ADCY8: variants seen among roughly 807,000 people sequenced by gnomAD.
ADCY8 encodes adenylate cyclase 8.
In ADCY8, 51 loss-of-function variants were observed where a neutral mutation model predicts 119.7. The observed-to-expected ratio is 0.43, with a 90% CI of 0.34 to 0.54. ADCY8 has a LOEUF of 0.54. Among genes scored for constraint, ADCY8 ranks in the 20% least tolerant of loss-of-function variants. The pLI, the probability that ADCY8 is intolerant of heterozygous loss-of-function variation, is 0.03. For synonymous variants in ADCY8, 665 were observed against 651.0 expected (o/e 1.02, Z -0.33); for missense variants, 1,383 against 1,598.8 (o/e 0.87, Z 2.30).
intron 1 of ADCY8, among the ~76,000 whole-genome samples, chr8:131,029,859 TG>T (rs1377084310): frequency 4.0e-5 from 3 of 74,150 alleles, no homozygotes; most frequent in East Asian, 7.2e-4. Flanking sequence ...TGTGTGTGGG[TG>T]GGGGTGGAGT....
chr8:130,785,918 C>T (rs1384142370), intron 15 of ADCY8, among the ~76,000 whole-genome samples: 1 of 152,196 alleles, frequency 6.6e-6, no homozygotes, highest in African/African-American at 2.4e-5. Flanking sequence ...AGAACAAGCT[C>T]AGCCTGCTTT....
intron 9 of ADCY8, among the ~76,000 whole-genome samples, chr8:130,853,296 C>A (rs1817599627): frequency 1.3e-5 from 2 of 152,228 alleles, no homozygotes; most frequent in South Asian, 4.1e-4. Context: ...AGGAAGAAAG[C>A]CCAGGTTGGC....
At chr8:130,849,521 T>C in intron 10 of ADCY8, 81 bp downstream of exon 10, 1 of 1,421,812 alleles carries the variant, frequency 7.0e-7, no homozygotes, top group South Asian at 1.2e-5. Flanking sequence ...GGAAGGGTAA[T>C]GCAGGAAGCT....
At chr8:131,038,247 C>T (rs538267664) in intron 1 of ADCY8, among the ~76,000 whole-genome samples, 1 of 152,220 alleles carries the variant, frequency 6.6e-6, no homozygotes, top group South Asian at 2.1e-4. Context: ...TCAAATTCGA[C>T]CATAAGGAAG....
chr8:131,023,994 T>C (rs1035638425), intron 1 of ADCY8, among the ~76,000 whole-genome samples: 10 of 152,228 alleles, frequency 6.6e-5, no homozygotes, highest in Admixed American at 3.3e-4. Flanking sequence ...AAGAGTGTTC[T>C]AGATACAGGG....
intron 5 of ADCY8, among the ~76,000 whole-genome samples, chr8:130,933,437 C>T (rs140369064): frequency 6.6e-6 from 1 of 152,312 alleles, no homozygotes; most frequent in African/African-American, 2.4e-5. Flanking sequence ...AGCCATTCCT[C>T]AGAGTGAAAT....
intron 1 of ADCY8, among the ~76,000 whole-genome samples, chr8:130,997,696 G>A (rs1236213623): frequency 6.6e-6 from 1 of 152,168 alleles, no homozygotes; most frequent in African/African-American, 2.4e-5. Context: ...TGCCTGAACT[G>A]TTCAATTATT....
intron 2 of ADCY8, among the ~76,000 whole-genome samples, chr8:130,958,848 T>A (rs1030030932): frequency 2.5e-4 from 38 of 152,330 alleles, no homozygotes; most frequent in Non-Finnish European, 3.4e-4. Context: ...CAATATTTTT[T>A]AATTTTCTAT....
At chr8:130,976,159 T>C (rs1822066265) in intron 2 of ADCY8, among the ~76,000 whole-genome samples, 1 of 152,144 alleles carries the variant, frequency 6.6e-6, no homozygotes, top group Non-Finnish European at 1.5e-5. Flanking sequence ...ATCCAGGTTT[T>C]GTGGGTCCTG....
chr8:130,910,633 A>G (rs1819953792), intron 5 of ADCY8, among the ~76,000 whole-genome samples: 1 of 152,212 alleles, frequency 6.6e-6, no homozygotes, highest in South Asian at 2.1e-4. Flanking sequence ...ATGCAGGAGG[A>G]AAATGTTAGA....
chr8:130,937,651 T>C (rs769878196), intron 4 of ADCY8, among the ~76,000 whole-genome samples: 16 of 152,212 alleles, frequency 1.1e-4, no homozygotes, highest in Non-Finnish European at 1.8e-4. Flanking sequence ...GGAATTCCTA[T>C]TACTTCAACT....
At chr8:130,905,590 A>C (rs2130536933) in intron 6 of ADCY8, among the ~76,000 whole-genome samples, 1 of 152,334 alleles carries the variant, frequency 6.6e-6, no homozygotes, top group South Asian at 2.1e-4. Context: ...AGTGGCTTTT[A>C]AAAATGCACT....
chr8:131,018,468 A>G (rs187412720), intron 1 of ADCY8, among the ~76,000 whole-genome samples: 3 of 152,286 alleles, frequency 2.0e-5, no homozygotes, highest in Admixed American at 6.5e-5. Context: ...ATTCAATAAA[A>G]TTTCCATGAA....
chr8:130,962,770 T>A (rs1392688416), intron 2 of ADCY8, among the ~76,000 whole-genome samples: 1 of 152,204 alleles, frequency 6.6e-6, no homozygotes, highest in African/African-American at 2.4e-5. Context: ...GCTTGCCACT[T>A]TCAGGCTCTC....
At chr8:131,020,298 G>T (rs973223433) in intron 1 of ADCY8, among the ~76,000 whole-genome samples, 1 of 152,160 alleles carries the variant, frequency 6.6e-6, no homozygotes, top group Non-Finnish European at 1.5e-5. Context: ...ATGTAGTGAG[G>T]CTACTGTGAT....
chr8:130,996,211 A>G (rs1822769336), intron 1 of ADCY8, among the ~76,000 whole-genome samples: 1 of 152,192 alleles, frequency 6.6e-6, no homozygotes, highest in Non-Finnish European at 1.5e-5. Flanking sequence ...TAAAAATGCT[A>G]TTATTAACTA....
chr8:130,996,782 T>C (rs1175595069), intron 1 of ADCY8, among the ~76,000 whole-genome samples: 2 of 152,094 alleles, frequency 1.3e-5, no homozygotes, highest in East Asian at 3.8e-4. Flanking sequence ...GTGAGCAAAG[T>C]CTCAAATTAA....
intron 15 of ADCY8, among the ~76,000 whole-genome samples, chr8:130,792,597 C>A (rs1815457895): frequency 6.6e-6 from 1 of 152,166 alleles, no homozygotes; most frequent in African/African-American, 2.4e-5. Flanking sequence ...ACCCATATAA[C>A]CCACATCTAA....
At chr8:130,986,642 G>C (rs1348482185) in intron 2 of ADCY8, among the ~76,000 whole-genome samples, 1 of 152,230 alleles carries the variant, frequency 6.6e-6, no homozygotes. Flanking sequence ...AGACACATTA[G>C]GAGGGAGGTG....
Sources: allele counts gnomAD v4.1 joint callset (sites outside exome capture counted in the v4.1 genomes callset), GRCh38; gene constraint gnomAD v4.1.1; transcripts MANE v1.5; gene names NCBI Gene and HGNC (gene_info 2026-07-23, HGNC 2026-07-21).